DOCK2: variants seen among roughly 807,000 people sequenced by gnomAD.
The protein encoded by DOCK2 is dedicator of cytokinesis protein 2.
Under a neutral mutation model 248.9 loss-of-function variants are expected in DOCK2, and 87 were observed. The observed-to-expected ratio is 0.35, with a 90% CI of 0.29 to 0.42. DOCK2 has a LOEUF of 0.42. Ranked by LOEUF, DOCK2 falls within the 10% of genes least tolerant of loss-of-function variation. The pLI, the probability that DOCK2 is intolerant of heterozygous loss-of-function variation, is 1.00. For synonymous variants in DOCK2, 805 were observed against 821.6 expected, an observed-to-expected ratio of 0.98 and a Z score of 0.35; for missense variants, 1,747 against 2,300.2, an observed-to-expected ratio of 0.76 and a Z score of 4.92.
chr5:170,034,444 G>A lies in DOCK2; in HGVS notation c.3513G>A (p.Val1171=). 6.2e-7 allele frequency: 1 copy of A among 1,614,184 alleles called. No individual in the cohort carries two copies. ...AAEHPTIAKS[V]ENFVNLVKGL... Reference sequence around the variant, plus strand: ...AGCACCCAACCATTGCCAAGTCGGTGGAGAACTTCGTGAACCTGGTCAAAG... The same window carrying A: ...AGCACCCAACCATTGCCAAGTCGGTAGAGAACTTCGTGAACCTGGTCAAAG... The change falls in exon 35 of 52, where the codon GTG becomes GTA. Residue 1171 remains valine, a synonymous_variant. Coordinates refer to ENST00000520908, the MANE Select transcript of DOCK2 (RefSeq NM_004946.3).
At chr5:169,892,966 C>G (rs1230028538) in intron 27 of DOCK2, among the ~76,000 whole-genome samples, 1 of 152,132 alleles carries the variant, frequency 6.6e-6, no homozygotes, top group Non-Finnish European at 1.5e-5. Flanking sequence ...CCTCCCTGCT[C>G]TTTGTCTCAC....
chr5:170,075,782 C>T, intron 46 of DOCK2, 165 bp from the exon 47 acceptor site: 1 of 880,598 alleles, frequency 1.1e-6, no homozygotes, highest in Non-Finnish European at 1.7e-6. Context: ...TGCAACTTTC[C>T]CCATTTCCCA....
intron 15 of DOCK2, among the ~76,000 whole-genome samples, chr5:169,709,982 C>G (rs911001539): frequency 1.3e-5 from 2 of 152,128 alleles, no homozygotes; most frequent in African/African-American, 2.4e-5. Flanking sequence ...TTTAGAAATT[C>G]TTTGTTTTAG....
chr5:169,637,933 A>G (rs1756928991), intron 1 of DOCK2, among the ~76,000 whole-genome samples: 1 of 152,096 alleles, frequency 6.6e-6, no homozygotes, highest in African/African-American at 2.4e-5. Flanking sequence ...CCTCTGGGGA[A>G]AAAGGCTCCC....
At chr5:169,868,645 C>G (rs376913803) in intron 27 of DOCK2, among the ~76,000 whole-genome samples, 3 of 152,222 alleles carry the variant, frequency 2.0e-5, no homozygotes, top group East Asian at 3.9e-4. Context: ...GTGATCCCAG[C>G]TACTTGGGAG....
chr5:169,745,793 G>A (rs553178467), intron 22 of DOCK2, among the ~76,000 whole-genome samples: 23 of 152,322 alleles, frequency 1.5e-4, no homozygotes, highest in Admixed American at 5.9e-4. Flanking sequence ...CTGCCGGGCA[G>A]TGGGGATTTG....
chr5:169,913,614 G>T (rs1774720398), intron 27 of DOCK2, among the ~76,000 whole-genome samples: 1 of 152,196 alleles, frequency 6.6e-6, no homozygotes, highest in South Asian at 2.1e-4. Context: ...GCAGTGGTTT[G>T]TATGCTCTTG....
intron 34 of DOCK2, chr5:170,028,682 TACA>T (rs981983399): frequency 4.6e-5 from 7 of 152,238 alleles, no homozygotes; most frequent in African/African-American, 1.7e-4. Flanking sequence ...CAATCAATTT[TACA>T]ACATTTTCAT....
chr5:170,078,171 CAT>C (rs1367827266), intron 48 of DOCK2, among the ~76,000 whole-genome samples: 6 of 152,178 alleles, frequency 3.9e-5, no homozygotes, highest in African/African-American at 1.4e-4. Context: ...TGTCACCTCT[CAT>C]AGGGATCTGT....
chr5:170,057,728 T>C, intron 44 of DOCK2, 62 bp downstream of exon 44: 1 of 1,418,084 alleles, frequency 7.1e-7, no homozygotes, highest in Non-Finnish European at 9.6e-7. Flanking sequence ...ACAGCCAGTC[T>C]CCAAAGGCCC....
intron 20 of DOCK2, 139 bp downstream of exon 20, chr5:169,716,441 C>T (rs1159108916): frequency 5.2e-6 from 4 of 775,554 alleles, no homozygotes; most frequent in Admixed American, 2.6e-5. Context: ...TGTTTGGCAA[C>T]AAGACCAATA....
intron 34 of DOCK2, among the ~76,000 whole-genome samples, chr5:170,032,513 C>A (rs1210191511): frequency 2.6e-5 from 4 of 152,114 alleles, no homozygotes; most frequent in East Asian, 1.9e-4. Flanking sequence ...TCTGGCCAAG[C>A]TCAGACCCCG....
At chr5:169,640,428 G>T (rs572543351) in intron 1 of DOCK2, among the ~76,000 whole-genome samples, 1 of 152,268 alleles carries the variant, frequency 6.6e-6, no homozygotes, top group South Asian at 2.1e-4. Context: ...ACTGCATCTT[G>T]GGTTTTCTGT....
intron 25 of DOCK2, among the ~76,000 whole-genome samples, chr5:169,768,301 C>T (rs1328883195): frequency 2.6e-5 from 4 of 152,338 alleles, no homozygotes; most frequent in Non-Finnish European, 5.9e-5. Context: ...GCTGTCTCTA[C>T]GGCTCACAGG....
Position 169,702,489 on chromosome 5 carries a change from A to G in DOCK2, c.1383+62A>G, listed in dbSNP as rs1299204860. ...GCCTTGGGGGCCTCTGCTTGTAAAG[A>G]CGTACTTTTCCTCTCCCTGATTCTG... On this transcript the variant is annotated intron_variant, in intron 14 of 51. Coordinates refer to ENST00000520908, the MANE Select transcript of DOCK2 (RefSeq NM_004946.3). 3.1e-6 allele frequency: 5 copies of G among 1,599,364 alleles called. No homozygotes were observed. In the Admixed American group the frequency reaches 6.8e-5, roughly 22 times the overall value.
chr5:169,918,335 G>A (rs1417204703), intron 27 of DOCK2, among the ~76,000 whole-genome samples: 1 of 152,266 alleles, frequency 6.6e-6, no homozygotes, highest in African/African-American at 2.4e-5. Flanking sequence ...ATAACCCAGC[G>A]ATTCTTCTGC....
intron 26 of DOCK2, among the ~76,000 whole-genome samples, chr5:169,812,696 T>C (rs1036305463): frequency 8.5e-5 from 13 of 152,244 alleles, no homozygotes; most frequent in African/African-American, 3.1e-4. Context: ...TAATCTGCAC[T>C]CTATGCACGT....
intron 27 of DOCK2, among the ~76,000 whole-genome samples, chr5:169,889,402 A>G (rs559320320): frequency 3.9e-5 from 6 of 152,328 alleles, no homozygotes; most frequent in Admixed American, 1.3e-4. Context: ...TGGAGATTCC[A>G]AGGAGGAAAA....
intron 27 of DOCK2, among the ~76,000 whole-genome samples, chr5:169,919,647 G>C (rs534519029): frequency 2.0e-5 from 3 of 152,168 alleles, no homozygotes; most frequent in African/African-American, 7.2e-5. Flanking sequence ...GACAGTTATC[G>C]TGGGGTCTTT....
Sources: gnomAD v4.1 joint callset for allele counts (sites outside exome capture counted in the v4.1 genomes callset) on GRCh38, gnomAD v4.1.1 for gene constraint, MANE v1.5 for transcripts, NCBI Gene and HGNC (gene_info 2026-07-23, HGNC 2026-07-21) for gene names.